Variants in CNTN3 observed in about 807,000 individuals in gnomAD.
The protein encoded by CNTN3 is contactin-3.
CNTN3 carries 60 observed loss-of-function variants against 119.1 expected under a neutral mutation model. That is an observed-to-expected ratio of 0.50 (90% confidence interval 0.41 to 0.62). CNTN3 has a LOEUF of 0.62. CNTN3 is among the 20% of genes least tolerant of loss of function. CNTN3 has a pLI of 0.00. For missense variants in CNTN3, 1,101 were observed against 1,242.4 expected (o/e 0.89, Z 1.71); for synonymous variants, 450 against 438.7 (o/e 1.03, Z -0.32).
Position 74,324,285 on chromosome 3 carries a change from C to A in CNTN3, c.1668+10450G>T, listed in dbSNP as rs191544575. Among the ~76,000 whole-genome samples the A allele has an allele frequency of 5.3e-5, 8 of 151,890 alleles. No homozygotes were observed. The East Asian group carries it at 1.6e-3, about 29-fold the overall frequency. On this transcript the variant is annotated intron_variant, in intron 13 of 22. Transcript: ENST00000263665. ...GGAATGCAGTGGTTCAATCTCCGCT[C>A]ACTGCAACCTCTGCCTCCCGGGTTC...
At chr3:74,605,587 T>G (rs1384770698) in intron 1 of CNTN3, among the ~76,000 whole-genome samples, 1 of 152,116 alleles carries the variant, frequency 6.6e-6, no homozygotes, top group African/African-American at 2.4e-5. Context: ...TCGAGTAACA[T>G]AAGTCATCTG....
At chr3:74,385,084 CACTTATCTT>C (rs1338857838) in intron 5 of CNTN3, among the ~76,000 whole-genome samples, 1 of 152,184 alleles carries the variant, frequency 6.6e-6, no homozygotes, top group Non-Finnish European at 1.5e-5. Context: ...CACTCGTAGA[CACTTATCTT>C]ACTTGGGCTC....
At chr3:74,462,497 A>G (rs565094757) in intron 4 of CNTN3, among the ~76,000 whole-genome samples, 10 of 152,214 alleles carry the variant, frequency 6.6e-5, no homozygotes, top group African/African-American at 2.2e-4. Context: ...AGCAGTGTCA[A>G]TATTCAAAGT....
chr3:74,455,020 G>C (rs1474451053), intron 4 of CNTN3, among the ~76,000 whole-genome samples: 6 of 152,028 alleles, frequency 3.9e-5, no homozygotes, highest in Non-Finnish European at 8.8e-5. Context: ...TCTTTGTCGT[G>C]TTCTCTTTAT....
At chr3:74,499,333 C>T (rs565194414) in intron 3 of CNTN3, among the ~76,000 whole-genome samples, 1 of 151,996 alleles carries the variant, frequency 6.6e-6, no homozygotes, top group South Asian at 2.1e-4. Context: ...TTCAAATTAA[C>T]TTTAAAACAC....
chr3:74,320,530 A>G (rs1314793713), intron 13 of CNTN3, among the ~76,000 whole-genome samples: 1 of 152,014 alleles, frequency 6.6e-6, no homozygotes, highest in Non-Finnish European at 1.5e-5. Flanking sequence ...GGGTGGGGGG[A>G]CGTGGGAGGG....
chr3:74,613,675 A>G (rs1237466719), intron 1 of CNTN3, among the ~76,000 whole-genome samples: 1 of 152,180 alleles, frequency 6.6e-6, no homozygotes, highest in Non-Finnish European at 1.5e-5. Context: ...CGACCAGAAA[A>G]AATTCCTGAT....
chr3:74,307,665 T>C (rs1343709721), intron 13 of CNTN3, among the ~76,000 whole-genome samples: 2 of 152,082 alleles, frequency 1.3e-5, no homozygotes, highest in Non-Finnish European at 2.9e-5. Context: ...AGCAGAAAGA[T>C]CATCACTAAT....
At chr3:74,404,289 C>T (rs1482052770) in intron 5 of CNTN3, among the ~76,000 whole-genome samples, 1 of 152,064 alleles carries the variant, frequency 6.6e-6, no homozygotes, top group Non-Finnish European at 1.5e-5. Flanking sequence ...GGGGAACTTA[C>T]AAACATTTTT....
At chr3:74,429,846 G>A (rs1315311028) in intron 4 of CNTN3, among the ~76,000 whole-genome samples, 1 of 152,142 alleles carries the variant, frequency 6.6e-6, no homozygotes, top group Non-Finnish European at 1.5e-5. Context: ...GTTCACTGAA[G>A]AGGAAAAACA....
chr3:74,297,897 T>C (rs551436533), intron 18 of CNTN3, 60 bp downstream of exon 18: 1 of 1,342,330 alleles, frequency 7.4e-7, no homozygotes, highest in Non-Finnish European at 1.0e-6. Context: ...TCCAAATCAG[T>C]TTTTGGAGCA....
intron 11 of CNTN3, among the ~76,000 whole-genome samples, chr3:74,357,247 G>A (rs562385777): frequency 3.3e-5 from 5 of 150,824 alleles, no homozygotes; most frequent in Admixed American, 1.3e-4. Context: ...TCTATTATAC[G>A]ATTTACATAG....
At chr3:74,308,856 T>C (rs934441986) in intron 13 of CNTN3, among the ~76,000 whole-genome samples, 3 of 152,110 alleles carry the variant, frequency 2.0e-5, no homozygotes, top group African/African-American at 7.2e-5. Flanking sequence ...ACATATAAAA[T>C]GTATATTTTT....
chr3:74,436,147 G>C (rs2106918705), intron 4 of CNTN3, among the ~76,000 whole-genome samples: 1 of 152,292 alleles, frequency 6.6e-6, no homozygotes, highest in African/African-American at 2.4e-5. Context: ...CTGTCACTTA[G>C]AGTATTTCTG....
intron 4 of CNTN3, among the ~76,000 whole-genome samples, chr3:74,462,169 A>C (rs1414838048): frequency 1.3e-5 from 2 of 151,892 alleles, no homozygotes; most frequent in East Asian, 1.9e-4. Context: ...TTTCCCCTTC[A>C]CTTTCCGCCA....
intron 11 of CNTN3, among the ~76,000 whole-genome samples, chr3:74,357,718 A>C (rs1404892761): frequency 6.6e-6 from 1 of 152,136 alleles, no homozygotes; most frequent in Admixed American, 6.5e-5. Flanking sequence ...TAGGCTAGAG[A>C]AAGCTTTCAT....
chr3:74,432,638 C>A (rs924446545), intron 4 of CNTN3, among the ~76,000 whole-genome samples: 1 of 152,180 alleles, frequency 6.6e-6, no homozygotes, highest in Non-Finnish European at 1.5e-5. Context: ...TTCTTCCTGC[C>A]TTATGGCACA....
At chr3:74,603,237 T>C (rs1704940039) in intron 1 of CNTN3, among the ~76,000 whole-genome samples, 1 of 152,154 alleles carries the variant, frequency 6.6e-6, no homozygotes, top group Non-Finnish European at 1.5e-5. Flanking sequence ...AAGCACAACC[T>C]TGGCTGAGAC....
chr3:74,588,326 G>A (rs1286781339), intron 1 of CNTN3, among the ~76,000 whole-genome samples: 5 of 152,026 alleles, frequency 3.3e-5, no homozygotes, highest in Non-Finnish European at 7.4e-5. Flanking sequence ...CAAACAGAGA[G>A]CCAAATCATG....
Sources: allele counts gnomAD v4.1 joint callset (sites outside exome capture counted in the v4.1 genomes callset), GRCh38; gene constraint gnomAD v4.1.1; transcripts MANE v1.5; gene names NCBI Gene and HGNC (gene_info 2026-07-23, HGNC 2026-07-21).